Variants in AMMECR1 observed in about 807,000 individuals in gnomAD.
AMMECR1 encodes AMMECR nuclear protein 1.
Under a neutral mutation model 22.5 loss-of-function variants are expected in AMMECR1, and 3 were observed. The observed-to-expected ratio is 0.13, with a 90% confidence interval of 0.06 to 0.35. The LOEUF (loss-of-function observed/expected upper bound fraction) is 0.35, where lower values mean the gene tolerates loss of function less well. Among genes scored for constraint, AMMECR1 ranks in the 10% least tolerant of loss-of-function variants. The pLI is 1.00. For synonymous variants in AMMECR1, 130 were observed against 116.7 expected (o/e 1.11, Z -0.74); for missense variants, 235 against 278.7 (o/e 0.84, Z 1.12).
At chrX:110,355,780 C>T (rs1483590094) in intron 2 of AMMECR1, among the ~76,000 whole-genome samples, 7 of 111,863 alleles carry the variant, frequency 6.3e-5, no homozygotes, top group East Asian at 2.8e-4. Flanking sequence ...TATCTGCACG[C>T]CCATGTTCAT....
intron 2 of AMMECR1, among the ~76,000 whole-genome samples, chrX:110,379,438 C>A (rs949219255): frequency 2.7e-5 from 3 of 112,521 alleles, no homozygotes; most frequent in East Asian, 5.6e-4. Context: ...GTTGTGACTT[C>A]AGAACTAGAG....
chrX:110,307,446 C>G (rs936423055), intron 1 of AMMECR1, among the ~76,000 whole-genome samples: 2 of 111,418 alleles, frequency 1.8e-5, no homozygotes, highest in African/African-American at 3.3e-5. Flanking sequence ...TGCAGCCAGT[C>G]AGAAATTATA....
At chrX:110,309,360 T>C (rs1297901526) in intron 1 of AMMECR1, 1 of 112,234 alleles carries the variant, frequency 8.9e-6, no homozygotes, top group Non-Finnish European at 1.9e-5. Context: ...TGTAATATGC[T>C]TACAGATCAC....
intron 3 of AMMECR1, among the ~76,000 whole-genome samples, chrX:110,206,283 A>T (rs1362787224): frequency 8.9e-6 from 1 of 112,371 alleles, no homozygotes; most frequent in Non-Finnish European, 1.9e-5. Context: ...TTAAGCTTTG[A>T]GACTGTCTGC....
intron 1 of AMMECR1, among the ~76,000 whole-genome samples, chrX:110,282,787 CAAG>C (rs1388899534): frequency 3.6e-5 from 4 of 111,229 alleles, no homozygotes; most frequent in African/African-American, 1.3e-4. Flanking sequence ...TTAAGAACAT[CAAG>C]GAGGAAAGCA....
chrX:110,254,784 C>T (rs2067702570), intron 2 of AMMECR1, among the ~76,000 whole-genome samples: 1 of 112,186 alleles, frequency 8.9e-6, no homozygotes, highest in Admixed American at 9.5e-5. Flanking sequence ...AAAAATGTTT[C>T]ATTTATTCTT....
At chrX:110,298,861 T>C (rs185012116) in intron 1 of AMMECR1, among the ~76,000 whole-genome samples, 1 of 112,028 alleles carries the variant, frequency 8.9e-6, no homozygotes, top group African/African-American at 3.2e-5. Context: ...AAAAACAGCA[T>C]GAGCATACTA....
rs143304123 is a variant in AMMECR1 at position 110,309,882 on chromosome X, C to T, written c.473+7717G>A. The stretch of plus-strand genomic sequence containing the variant: ...TATGAATTCCTGAGATGGCCTGCCA[C>T]GAGGCTTTATCTTGCTCAAGGCTGT... On this transcript the variant is annotated intron_variant, in intron 1 of 5. Transcript: ENST00000262844. 9.8e-3 allele frequency among the ~76,000 whole-genome samples: 1,099 copies of T among 112,533 alleles called. 11 individuals carry two copies. Among genetic ancestry groups the T allele is most frequent in the Non-Finnish European group, 0.015 (786 of 53,290 alleles).
intron 2 of AMMECR1, among the ~76,000 whole-genome samples, chrX:110,258,826 T>C (rs767495691): frequency 1.8e-5 from 2 of 111,556 alleles, no homozygotes; most frequent in Non-Finnish European, 3.8e-5. Flanking sequence ...TAAAGACTAA[T>C]ATTAAATGAG....
chrX:110,302,911 AAG>A (rs1057295601), intron 1 of AMMECR1, among the ~76,000 whole-genome samples: 5 of 110,896 alleles, frequency 4.5e-5, no homozygotes, highest in African/African-American at 1.6e-4. Context: ...ACAAAAAAAA[AAG>A]AGAGAGAGAG....
chrX:110,367,886 A>G (rs989837958), intron 2 of AMMECR1, among the ~76,000 whole-genome samples: 3 of 109,834 alleles, frequency 2.7e-5, no homozygotes, highest in East Asian at 2.8e-4. Flanking sequence ...ATAGCTCACT[A>G]TAACTTCAGA....
chrX:110,285,419 C>T (rs1384705844), intron 1 of AMMECR1, among the ~76,000 whole-genome samples: 2 of 111,816 alleles, frequency 1.8e-5, no homozygotes, highest in African/African-American at 6.5e-5. Context: ...TATAAAAATT[C>T]ATCTACCAAG....
At chrX:110,301,872 GA>G (rs1383708080) in intron 1 of AMMECR1, among the ~76,000 whole-genome samples, 1 of 110,927 alleles carries the variant, frequency 9.0e-6, no homozygotes, top group East Asian at 2.8e-4. Flanking sequence ...AAACATATTA[GA>G]AAAAAAATTT....
chrX:110,339,401 T>TA (rs10664998), intron 2 of AMMECR1, among the ~76,000 whole-genome samples: 2,035 of 48,782 alleles, frequency 0.042, 58 homozygotes, highest in African/African-American at 0.056. Flanking sequence ...TGGTTTGTTG[T>TA]AAAAAAAAAA....
At chrX:110,262,622 G>A (rs1313408652) in intron 2 of AMMECR1, among the ~76,000 whole-genome samples, 3 of 112,037 alleles carry the variant, frequency 2.7e-5, no homozygotes, top group Non-Finnish European at 5.7e-5. Context: ...GCCAACATTG[G>A]CAAAAGAATT....
intron 1 of AMMECR1, among the ~76,000 whole-genome samples, chrX:110,286,183 A>G (rs1242564486): frequency 8.9e-6 from 1 of 111,933 alleles, no homozygotes; most frequent in Admixed American, 9.5e-5. Context: ...TATGGACACA[A>G]TGGGACAAAA....
chrX:110,436,737 C>T (rs764807214), intron 1 of AMMECR1, among the ~76,000 whole-genome samples: 2 of 111,644 alleles, frequency 1.8e-5, no homozygotes, highest in South Asian at 7.6e-4. Context: ...CTCTGGAAGC[C>T]TTAGTACCCT....
Position 110,261,096 on chromosome X carries a change from C to T in AMMECR1, c.584+3393G>A, listed in dbSNP as rs144098458. The stretch of plus-strand genomic sequence containing the variant: ...AGTTTCAGTTGGGGAAGATGAAAAA[C>T]GTTCTGGAGATGGATGGTGGTGATG... On this transcript the variant is annotated intron_variant, in intron 2 of 5. Transcript: ENST00000262844. 5.4e-3 allele frequency among the ~76,000 whole-genome samples: 596 copies of T among 110,818 alleles called. 3 individuals carry two copies. Among genetic ancestry groups the T allele is most frequent in the African/African-American group, 0.019 (577 of 30,470 alleles).
At chrX:110,223,666 A>G (rs2067516366) in intron 2 of AMMECR1, among the ~76,000 whole-genome samples, 1 of 112,179 alleles carries the variant, frequency 8.9e-6, no homozygotes. Flanking sequence ...ATTGGAATTT[A>G]GAAACCTGGT....
Sources: allele counts gnomAD v4.1 joint callset (sites outside exome capture counted in the v4.1 genomes callset), GRCh38; gene constraint gnomAD v4.1.1; transcripts MANE v1.5; gene names NCBI Gene and HGNC (gene_info 2026-07-23, HGNC 2026-07-21).